Variants in IMMP1L observed in about 807,000 individuals in gnomAD.
The protein encoded by IMMP1L is inner mitochondrial membrane peptidase subunit 1.
In IMMP1L, 24 loss-of-function variants were observed where a neutral mutation model predicts 21.8. The observed-to-expected ratio is 1.10, with a 90% CI of 0.80 to 1.55. IMMP1L has a LOEUF of 1.55. Ranked by LOEUF, IMMP1L falls within the 40% of genes most tolerant of loss-of-function variation. IMMP1L has a pLI of 0.00. For missense variants in IMMP1L, 195 were observed against 200.7 expected (o/e 0.97, Z 0.17); for synonymous variants, 46 against 62.8 (o/e 0.73, Z 1.26).
intron 1 of IMMP1L, among the ~76,000 whole-genome samples, chr11:31,484,050 C>T (rs1009009082): frequency 6.6e-6 from 1 of 151,668 alleles, no homozygotes; most frequent in African/African-American, 2.4e-5. Flanking sequence ...TTTATTTATT[C>T]ACTGCTTACT....
intron 1 of IMMP1L, among the ~76,000 whole-genome samples, chr11:31,474,803 A>T (rs1232646134): frequency 6.6e-6 from 1 of 152,232 alleles, no homozygotes; most frequent in Non-Finnish European, 1.5e-5. Flanking sequence ...CTGCAGCATC[A>T]AAATAACATG....
At chr11:31,470,888 A>G (rs962086025) in intron 1 of IMMP1L, among the ~76,000 whole-genome samples, 5 of 152,232 alleles carry the variant, frequency 3.3e-5, no homozygotes, top group African/African-American at 1.2e-4. Context: ...GACACATATC[A>G]TATGTTCTCA....
At chr11:31,439,474 ATAGT>A (rs1453573329) in intron 4 of IMMP1L, among the ~76,000 whole-genome samples, 1 of 152,188 alleles carries the variant, frequency 6.6e-6, no homozygotes, top group Non-Finnish European at 1.5e-5. Context: ...ATCCTCAAAA[ATAGT>A]TAGAATTGGT....
intron 1 of IMMP1L, among the ~76,000 whole-genome samples, chr11:31,507,129 A>C (rs1279505020): frequency 6.6e-6 from 1 of 151,600 alleles, no homozygotes; most frequent in Non-Finnish European, 1.5e-5. Context: ...AATACAAAAA[A>C]TCAGCAGGGC....
chr11:31,441,043 T>C (rs761006892), intron 4 of IMMP1L, among the ~76,000 whole-genome samples: 1 of 152,164 alleles, frequency 6.6e-6, no homozygotes, highest in Non-Finnish European at 1.5e-5. Context: ...TTCCATGAGA[T>C]AGCCAGAGGA....
chr11:31,457,250 A>C (rs1953978784), intron 3 of IMMP1L, among the ~76,000 whole-genome samples: 1 of 152,134 alleles, frequency 6.6e-6, no homozygotes, highest in Non-Finnish European at 1.5e-5. Context: ...ATATAAAACC[A>C]ATAAGGGTCT....
At position 31,509,566 on chromosome 11, in the gene IMMP1L, G is replaced by C; in HGVS notation, c.-77C>G. 1 of 588,030 alleles carries C rather than the reference G, an allele frequency of 1.7e-6. No individual in the cohort carries two copies. Among genetic ancestry groups the C allele is most frequent in the East Asian group, 2.9e-5 (1 of 35,056 alleles). The allele number at this position is 588,030 out of a possible 1,614,324, so 36.4% of individuals were successfully genotyped here. ...AGACCCTCAACCAGGACACAGGTGG[G>C]CCTTTCTCACCTGGGCCCCGCCGAA... is the stretch of plus-strand genomic sequence containing the variant. On this transcript the variant is annotated 5_prime_UTR_variant, in exon 1 of 6. Coordinates refer to ENST00000532287, the MANE Select transcript of IMMP1L (RefSeq NM_001304274.2).
intron 2 of IMMP1L, among the ~76,000 whole-genome samples, chr11:31,462,942 T>C (rs777525934): frequency 3.9e-5 from 6 of 152,180 alleles, no homozygotes; most frequent in Non-Finnish European, 8.8e-5. Flanking sequence ...TTGTGCCCAT[T>C]AGAAACAGAA....
chr11:31,494,198 C>T (rs1356294191), intron 1 of IMMP1L, among the ~76,000 whole-genome samples: 1 of 152,262 alleles, frequency 6.6e-6, no homozygotes, highest in African/African-American at 2.4e-5. Context: ...AGACTTCTGC[C>T]TGGTCATCCA....
At chr11:31,433,671 G>C in intron 4 of IMMP1L, 101 bp from the exon 5 acceptor site, 1 of 625,206 alleles carries the variant, frequency 1.6e-6, no homozygotes, top group Non-Finnish European at 2.7e-6. Context: ...ATGTCCTAAG[G>C]CTCTCTTTTA....
At chr11:31,483,439 G>C (rs559720267) in intron 1 of IMMP1L, among the ~76,000 whole-genome samples, 1 of 152,036 alleles carries the variant, frequency 6.6e-6, no homozygotes, top group African/African-American at 2.4e-5. Context: ...GGTTGTTACC[G>C]TATCTATTTG....
At chr11:31,477,677 G>T (rs75963035) in intron 1 of IMMP1L, 1 of 218,688 alleles carries the variant, frequency 4.6e-6, no homozygotes, top group Non-Finnish European at 7.8e-6. Flanking sequence ...CCATTACACT[G>T]GTACTAAATC....
At chr11:31,483,225 T>A (rs915537688) in intron 1 of IMMP1L, among the ~76,000 whole-genome samples, 3 of 151,984 alleles carry the variant, frequency 2.0e-5, no homozygotes, top group Admixed American at 2.0e-4. Context: ...TTACTTTATC[T>A]GGGTGCTGGT....
At chr11:31,460,306 C>T (rs980804691) in intron 3 of IMMP1L, among the ~76,000 whole-genome samples, 2 of 152,040 alleles carry the variant, frequency 1.3e-5, no homozygotes, top group East Asian at 3.9e-4. Context: ...AATGTAATCC[C>T]TAAGTTCCTA....
chr11:31,482,541 A>G (rs1954931227), intron 1 of IMMP1L, among the ~76,000 whole-genome samples: 1 of 152,050 alleles, frequency 6.6e-6, no homozygotes, highest in African/African-American at 2.4e-5. Flanking sequence ...GGGCCAAAGA[A>G]GTGAACCGGA....
intron 1 of IMMP1L, among the ~76,000 whole-genome samples, chr11:31,464,244 A>C (rs1180111390): frequency 6.6e-6 from 1 of 152,146 alleles, no homozygotes; most frequent in East Asian, 1.9e-4. Context: ...GCCTAAGAGT[A>C]GTAAAGTAAC....
intron 4 of IMMP1L, 53 bp from the exon 5 acceptor site, chr11:31,433,623 C>A: frequency 8.9e-7 from 1 of 1,123,150 alleles, no homozygotes; most frequent in Admixed American, 1.8e-5. Flanking sequence ...AATTTGGGTA[C>A]TATAATTAAA....
intron 1 of IMMP1L, among the ~76,000 whole-genome samples, chr11:31,464,590 C>T (rs922920189): frequency 3.9e-5 from 6 of 152,068 alleles, no homozygotes; most frequent in Admixed American, 6.6e-5. Flanking sequence ...TAATATACCA[C>T]GATCAGATGG....
chr11:31,482,816 G>A (rs1565000691), intron 1 of IMMP1L, among the ~76,000 whole-genome samples: 2 of 151,974 alleles, frequency 1.3e-5, no homozygotes, highest in Admixed American at 6.6e-5. Flanking sequence ...ACATATATAT[G>A]TTGCTGACCA....
Sources: gnomAD v4.1 joint callset for allele counts (sites outside exome capture counted in the v4.1 genomes callset) on GRCh38, gnomAD v4.1.1 for gene constraint, MANE v1.5 for transcripts, NCBI Gene and HGNC (gene_info 2026-07-23, HGNC 2026-07-21) for gene names.